CD99L2: variants seen among roughly 807,000 people sequenced by gnomAD.
CD99L2 encodes the protein CD99 molecule like 2.
Under a neutral mutation model 27.3 loss-of-function variants are expected in CD99L2, and 24 were observed. The ratio of observed to expected loss-of-function variants is 0.88; its 90% CI spans 0.64 to 1.24. CD99L2 has a LOEUF of 1.24. CD99L2 is among the 50% of genes most tolerant of loss of function. CD99L2 has a pLI of 0.00. For synonymous variants in CD99L2, 97 were observed against 87.9 expected, an observed-to-expected ratio of 1.10 and a Z score of -0.58; for missense variants, 255 against 221.6, an observed-to-expected ratio of 1.15 and a Z score of -0.96.
intron 2 of CD99L2, among the ~76,000 whole-genome samples, chrX:150,817,226 T>A (rs192796323): frequency 0.057 from 6,118 of 107,210 alleles, 151 homozygotes; most frequent in South Asian, 0.14. Context: ...AATAAATAAA[T>A]AAATAAATAA....
intron 1 of CD99L2, among the ~76,000 whole-genome samples, chrX:150,881,148 C>T (rs187865376): frequency 4.9e-4 from 54 of 111,109 alleles, no homozygotes; most frequent in Non-Finnish European, 9.4e-4. Context: ...GGTCCCTTGA[C>T]CTCCTTCCTC....
chrX:150,776,462 T>A (rs782481430), intron 8 of CD99L2, among the ~76,000 whole-genome samples, 169 bp from the exon 9 acceptor site: 6 of 111,632 alleles, frequency 5.4e-5, no homozygotes, highest in African/African-American at 1.6e-4. Context: ...TACAAAGACA[T>A]GGTGCCCCTT....
intron 2 of CD99L2, 25 bp from the exon 3 acceptor site, chrX:150,816,103 A>C: frequency 8.4e-7 from 1 of 1,188,516 alleles, no homozygotes; most frequent in South Asian, 1.8e-5. Context: ...GAGGACAGCA[A>C]GGGGAGCACG....
chrX:150,784,841 C>T (rs1557419511), intron 7 of CD99L2, among the ~76,000 whole-genome samples: 2 of 112,110 alleles, frequency 1.8e-5, no homozygotes, highest in Admixed American at 9.4e-5. Context: ...AAACACCACC[C>T]GCTGTGGTTC....
chrX:150,878,248 T>G (rs1265897819), intron 1 of CD99L2, among the ~76,000 whole-genome samples: 3 of 107,539 alleles, frequency 2.8e-5, no homozygotes, highest in African/African-American at 1.0e-4. Flanking sequence ...TGAGACAGGA[T>G]AATCACTTGA....
chrX:150,817,743 C>G (rs953787623), intron 2 of CD99L2, among the ~76,000 whole-genome samples: 2 of 111,493 alleles, frequency 1.8e-5, no homozygotes, highest in Admixed American at 9.6e-5. Context: ...GTCCTAGCTA[C>G]TTGGGAATAT....
At position 150,848,411 on chromosome X, in the gene CD99L2, C is replaced by T. The variant is rs782246890; in HGVS notation, c.68-17118G>A. On this transcript the variant is annotated intron_variant, in intron 1 of 10. Transcript: ENST00000370377. ...GGGGAGAGTGGGAGATGGGAAATTG[C>T]TTAATGATTAGAGGTTCAGTTTTGC... Among the ~76,000 whole-genome samples the T allele has an allele frequency of 7.3e-5, 8 of 109,466 alleles. No homozygotes were observed. In the South Asian group the frequency reaches 3.2e-3, roughly 44 times the overall value.
rs1557419879 is a variant in CD99L2, at chrX:150,795,433, G to A, written c.331C>T (p.Pro111Ser). 1 of 1,211,433 alleles carries A rather than the reference G, an allele frequency of 8.3e-7. No individual in the cohort carries two copies. Among genetic ancestry groups the A allele is most frequent in the Admixed American group, 2.2e-5 (1 of 45,972 alleles). ...GCCACCTTACCTAAAGTATTTGCTG[G>A]AGCTCTGGTGGTTACTGGCCTCTTG... is the stretch of plus-strand genomic sequence containing the variant. Reference protein sequence around the residue: ...TTKRPVTTRAPANTLGNDFDL... With the variant: ...TTKRPVTTRASANTLGNDFDL... The change falls in exon 5 of 11, where the codon CCA becomes TCA. Residue 111 changes from proline (P) to serine (S), a missense_variant. Coordinates refer to ENST00000370377, the MANE Select transcript of CD99L2 (RefSeq NM_031462.4).
chrX:150,829,536 T>A (rs1007486680), intron 2 of CD99L2: 1 of 328,262 alleles, frequency 3.0e-6, no homozygotes, highest in African/African-American at 2.7e-5. Flanking sequence ...ACTTCTAGCA[T>A]CCAGAACAGT....
chrX:150,779,933 A>C (rs1327113143), intron 7 of CD99L2, among the ~76,000 whole-genome samples: 1 of 112,443 alleles, frequency 8.9e-6, no homozygotes, highest in African/African-American at 3.2e-5. Flanking sequence ...AAAATTAAAA[A>C]CTTGTGTGCT....
intron 4 of CD99L2, among the ~76,000 whole-genome samples, chrX:150,812,689 CTT>C (rs1401301803): frequency 5.3e-5 from 6 of 112,350 alleles, no homozygotes; most frequent in African/African-American, 1.9e-4. Context: ...TCACTGCACT[CTT>C]GGGCATTTAT....
intron 9 of CD99L2, among the ~76,000 whole-genome samples, chrX:150,775,644 C>T: frequency 8.9e-6 from 1 of 112,559 alleles, no homozygotes; most frequent in Non-Finnish European, 1.9e-5. Context: ...CAGTTTGTGG[C>T]TCGTAGGGGG....
chrX:150,828,926 T>C (rs1368289614), intron 2 of CD99L2: 1 of 111,377 alleles, frequency 9.0e-6, no homozygotes, highest in Non-Finnish European at 1.9e-5. Flanking sequence ...ATGTCCACTG[T>C]AGCCCTATTT....
intron 1 of CD99L2, among the ~76,000 whole-genome samples, chrX:150,865,510 T>C (rs2047047752): frequency 9.0e-6 from 1 of 111,425 alleles, no homozygotes; most frequent in Admixed American, 9.5e-5. Context: ...GATAGATAAA[T>C]AAATAATGTT....
At chrX:150,778,062 T>C (rs2045431894) in intron 7 of CD99L2, among the ~76,000 whole-genome samples, 1 of 111,404 alleles carries the variant, frequency 9.0e-6, no homozygotes, top group African/African-American at 3.3e-5. Flanking sequence ...GAGTTGGCTA[T>C]GATTATAAAT....
intron 1 of CD99L2, among the ~76,000 whole-genome samples, chrX:150,862,517 C>T (rs2046994125): frequency 8.9e-6 from 1 of 112,396 alleles, no homozygotes. Context: ...GGAGCACAGC[C>T]ATGCTGACAC....
intron 10 of CD99L2, among the ~76,000 whole-genome samples, chrX:150,769,863 G>A (rs932833742): frequency 2.1e-4 from 24 of 113,209 alleles, no homozygotes; most frequent in African/African-American, 7.7e-4. Flanking sequence ...GACCACAGAA[G>A]GGGGAGGGAG....
intron 7 of CD99L2, among the ~76,000 whole-genome samples, chrX:150,791,709 C>T (rs1228702015): frequency 9.0e-6 from 1 of 110,641 alleles, no homozygotes; most frequent in African/African-American, 3.3e-5. Flanking sequence ...AATCAGAGTC[C>T]TGCCCAGGCT....
intron 4 of CD99L2, among the ~76,000 whole-genome samples, chrX:150,807,080 T>C (rs2046006341): frequency 1.8e-5 from 2 of 111,295 alleles, no homozygotes; most frequent in African/African-American, 3.3e-5. Flanking sequence ...TTCTGTCACT[T>C]TGACATGAGT....
Sources: allele counts gnomAD v4.1 joint callset (sites outside exome capture counted in the v4.1 genomes callset), GRCh38; gene constraint gnomAD v4.1.1; transcripts MANE v1.5; gene names NCBI Gene and HGNC (gene_info 2026-07-23, HGNC 2026-07-21).